Variants in PPARGC1A observed in about 807,000 individuals in gnomAD.
The protein encoded by PPARGC1A is PPARG coactivator 1 alpha.
In PPARGC1A, 25 loss-of-function variants were observed where a neutral mutation model predicts 88.7. That is an observed-to-expected ratio of 0.28 (90% CI 0.21 to 0.39). The LOEUF (loss-of-function observed/expected upper bound fraction) is 0.39. Among genes scored for constraint, PPARGC1A ranks in the 10% least tolerant of loss-of-function variants. PPARGC1A has a pLI of 1.00. For missense variants in PPARGC1A, 880 were observed against 968.7 expected, an observed-to-expected ratio of 0.91 and a Z score of 1.22; for synonymous variants, 363 against 355.6, an observed-to-expected ratio of 1.02 and a Z score of -0.24.
chr4:23,832,848 G>A (rs1189284145), intron 2 of PPARGC1A, among the ~76,000 whole-genome samples: 4 of 147,420 alleles, frequency 2.7e-5, no homozygotes, highest in African/African-American at 9.8e-5. Flanking sequence ...CTGACCTCGT[G>A]ATCCACCCAC....
At chr4:24,470,825 T>G in the PPARGC1A span, among the ~76,000 whole-genome samples, 1 of 151,614 alleles carries the variant, frequency 6.6e-6, no homozygotes, top group Non-Finnish European at 1.5e-5. This position sits in a 1 kb window ranked among gnomAD's most constrained non-coding sequence, Gnocchi z 5.8. Context: ...TATGTATTAT[T>G]CACTCGGATG....
intron 2 of PPARGC1A, among the ~76,000 whole-genome samples, chr4:23,858,248 C>G (rs924349716): frequency 6.6e-6 from 1 of 152,096 alleles, no homozygotes; most frequent in Admixed American, 6.5e-5. Context: ...TTAATTTTAA[C>G]AACAACCAAC....
At chr4:23,834,744 C>A (rs1047314172) in intron 2 of PPARGC1A, among the ~76,000 whole-genome samples, 1 of 152,082 alleles carries the variant, frequency 6.6e-6, no homozygotes, top group Non-Finnish European at 1.5e-5. Flanking sequence ...AAATGATATT[C>A]CTTATTTTCT....
the PPARGC1A span, among the ~76,000 whole-genome samples, chr4:24,128,531 A>AGTGTGTGTGTGTGTGTGTGTGT: frequency 7.2e-6 from 1 of 138,182 alleles, no homozygotes; most frequent in Non-Finnish European, 1.5e-5. Flanking sequence ...AGCCTGTCAC[A>AGTGTGTGTGTGTGTGTGTGTGT]GTGTGTGTGT....
At chr4:24,241,806 G>C in the PPARGC1A span, among the ~76,000 whole-genome samples, 1 of 152,162 alleles carries the variant, frequency 6.6e-6, no homozygotes, top group African/African-American at 2.4e-5. Context: ...CTCTGCTTTT[G>C]ACAAAGAAAA....
At chr4:24,260,530 C>G in the PPARGC1A span, among the ~76,000 whole-genome samples, 1 of 152,184 alleles carries the variant, frequency 6.6e-6, no homozygotes, top group Non-Finnish European at 1.5e-5. Flanking sequence ...GAGCAATCAA[C>G]ATGGGAATCG....
At chr4:24,189,852 C>T in the PPARGC1A span, among the ~76,000 whole-genome samples, 2 of 152,126 alleles carry the variant, frequency 1.3e-5, no homozygotes, top group Non-Finnish European at 2.9e-5. Context: ...CTGAGCTCCC[C>T]ACCAAAGAAT....
At chr4:24,147,737 C>T in the PPARGC1A span, among the ~76,000 whole-genome samples, 1 of 152,116 alleles carries the variant, frequency 6.6e-6, no homozygotes, top group South Asian at 2.1e-4. Context: ...TATGCAGTCA[C>T]ATTGGTCAAT....
chr4:24,462,314 C>T, the PPARGC1A span, among the ~76,000 whole-genome samples: 233 of 148,840 alleles, frequency 1.6e-3, 2 homozygotes, highest in African/African-American at 5.5e-3. Context: ...TCAGGCTGGT[C>T]TCGAACTCCT....
At chr4:24,439,923 GA>G in the PPARGC1A span, among the ~76,000 whole-genome samples, 1 of 152,148 alleles carries the variant, frequency 6.6e-6, no homozygotes, top group Admixed American at 6.5e-5. Flanking sequence ...TCTCCAAAAG[GA>G]ATTCTTCCAA....
the PPARGC1A span, among the ~76,000 whole-genome samples, chr4:24,050,427 A>C: frequency 2.0e-5 from 3 of 151,228 alleles, no homozygotes; most frequent in South Asian, 6.3e-4. Context: ...CTAGCTCCTG[A>C]CCTTGTGATC....
chr4:23,982,583 C>G, the PPARGC1A span, among the ~76,000 whole-genome samples: 1 of 152,028 alleles, frequency 6.6e-6, no homozygotes, highest in Non-Finnish European at 1.5e-5. Context: ...AGATGCTATA[C>G]TAAAAAAAGA....
the PPARGC1A span, among the ~76,000 whole-genome samples, chr4:24,299,804 G>A: frequency 2.9e-4 from 44 of 152,132 alleles, no homozygotes; most frequent in East Asian, 1.2e-3. Flanking sequence ...ATCTCAAATC[G>A]AAATATGAAT....
the PPARGC1A span, among the ~76,000 whole-genome samples, chr4:24,326,906 A>G: frequency 1.3e-5 from 2 of 152,134 alleles, no homozygotes; most frequent in African/African-American, 2.4e-5. Flanking sequence ...AAGGTCTGAG[A>G]AGGCCACCGC....
chr4:23,874,998 G>A (rs1317022806), intron 2 of PPARGC1A, among the ~76,000 whole-genome samples: 2 of 152,232 alleles, frequency 1.3e-5, no homozygotes, highest in African/African-American at 4.8e-5. Flanking sequence ...TGCAACCACA[G>A]AGGTGCTATT....
At chr4:24,472,408 G>C in the PPARGC1A span, among the ~76,000 whole-genome samples, 1 of 152,110 alleles carries the variant, frequency 6.6e-6, no homozygotes, top group Non-Finnish European at 1.5e-5. The surrounding 1 kb of genome is among the most constrained non-coding windows in gnomAD (Gnocchi z 4.5). Context: ...AGGAGCCGTA[G>C]TTGTAAAAGA....
the PPARGC1A span, among the ~76,000 whole-genome samples, chr4:24,078,779 T>C: frequency 6.6e-6 from 1 of 152,146 alleles, no homozygotes; most frequent in Non-Finnish European, 1.5e-5. Flanking sequence ...TTTCAAAATG[T>C]AGTTGGCATT....
the PPARGC1A span, among the ~76,000 whole-genome samples, chr4:24,108,156 G>C: frequency 2.0e-5 from 3 of 152,084 alleles, no homozygotes; most frequent in Non-Finnish European, 4.4e-5. Flanking sequence ...GCTTAAAAAA[G>C]CTAAGAAGTT....
At chr4:23,857,432 T>C (rs897379738) in intron 2 of PPARGC1A, among the ~76,000 whole-genome samples, 7 of 149,990 alleles carry the variant, frequency 4.7e-5, no homozygotes, top group Non-Finnish European at 7.4e-5. Flanking sequence ...TAAATATACA[T>C]TTATCTGCAT....
Sources: allele counts gnomAD v4.1 joint callset (sites outside exome capture counted in the v4.1 genomes callset), GRCh38; gene constraint gnomAD v4.1.1; non-coding constraint Gnocchi (gnomAD v3.1); transcripts MANE v1.5; gene names NCBI Gene and HGNC (gene_info 2026-07-23, HGNC 2026-07-21).